RALYL: variants seen among roughly 807,000 people sequenced by gnomAD.
RALYL encodes the protein RALY RNA binding protein like, also known as RNA-binding Raly-like protein.
A neutral mutation model predicts 35.1 loss-of-function variants in RALYL; 29 were observed. The observed-to-expected ratio is 0.83, with a 90% confidence interval of 0.61 to 1.13. RALYL has a LOEUF of 1.13. RALYL is among the 50% of genes most tolerant of loss of function. RALYL has a pLI of 0.00. For synonymous variants in RALYL, 120 were observed against 127.6 expected, an observed-to-expected ratio of 0.94 and a Z score of 0.40; for missense variants, 359 against 360.4, an observed-to-expected ratio of 1.00 and a Z score of 0.03.
chr8:84,567,606 A>T (rs975518373), intron 2 of RALYL, among the ~76,000 whole-genome samples: 3 of 151,462 alleles, frequency 2.0e-5, no homozygotes, highest in Admixed American at 6.6e-5. Flanking sequence ...TCAACCATTG[A>T]TGAGCACTTA....
chr8:84,332,626 TA>T (rs1395407328), intron 1 of RALYL, among the ~76,000 whole-genome samples: 1 of 152,126 alleles, frequency 6.6e-6, no homozygotes, highest in East Asian at 1.9e-4. Context: ...CCATTATTAA[TA>T]ATATTTCCCC....
At chr8:84,222,453 A>G (rs1319177557) in intron 1 of RALYL, among the ~76,000 whole-genome samples, 1 of 152,184 alleles carries the variant, frequency 6.6e-6, no homozygotes, top group African/African-American at 2.4e-5. Context: ...ATGCCATAAC[A>G]GAAGTACAAC....
At chr8:84,765,423 A>G (rs1170219728) in intron 2 of RALYL, among the ~76,000 whole-genome samples, 2 of 152,230 alleles carry the variant, frequency 1.3e-5, no homozygotes, top group East Asian at 1.9e-4. Context: ...TGCTGGTTCA[A>G]TGCTTGGCAC....
chr8:84,349,416 AG>A (rs36016677), intron 1 of RALYL, among the ~76,000 whole-genome samples: 3 of 150,376 alleles, frequency 2.0e-5, no homozygotes, highest in Non-Finnish European at 4.4e-5. Flanking sequence ...AAACTGAACA[AG>A]GGGAAGAGCT....
At chr8:84,850,936 A>G (rs561173706) in intron 5 of RALYL, among the ~76,000 whole-genome samples, 1 of 152,288 alleles carries the variant, frequency 6.6e-6, no homozygotes, top group African/African-American at 2.4e-5. Flanking sequence ...ACTTATGTCG[A>G]TAAGTTTGCC....
intron 2 of RALYL, among the ~76,000 whole-genome samples, chr8:84,676,958 C>A (rs555529501): frequency 6.6e-6 from 1 of 152,116 alleles, no homozygotes; most frequent in Non-Finnish European, 1.5e-5. Flanking sequence ...CATGCCACCA[C>A]ACCTGGCTAA....
chr8:84,199,943 A>G (rs908266764), intron 1 of RALYL, among the ~76,000 whole-genome samples: 1 of 152,174 alleles, frequency 6.6e-6, no homozygotes, highest in Admixed American at 6.6e-5. Context: ...TTGGAAGGTA[A>G]TAGTGTAGCC....
At chr8:84,501,228 C>G (rs1278714067) in intron 1 of RALYL, among the ~76,000 whole-genome samples, 1 of 152,112 alleles carries the variant, frequency 6.6e-6, no homozygotes, top group Non-Finnish European at 1.5e-5. Context: ...GAAAGTGCAG[C>G]TATGTAAATT....
intron 1 of RALYL, among the ~76,000 whole-genome samples, chr8:84,316,913 T>G (rs908845283): frequency 6.6e-6 from 1 of 152,176 alleles, no homozygotes; most frequent in African/African-American, 2.4e-5. Context: ...TAGCACTGTT[T>G]TAGTTATGTA....
intron 2 of RALYL, among the ~76,000 whole-genome samples, chr8:84,573,566 A>G (rs1808566459): frequency 6.6e-6 from 1 of 151,868 alleles, no homozygotes; most frequent in Non-Finnish European, 1.5e-5. Flanking sequence ...TTTTTTACAG[A>G]TCTTGAATCA....
At chr8:84,503,575 G>T (rs1177030180) in intron 1 of RALYL, among the ~76,000 whole-genome samples, 3 of 152,108 alleles carry the variant, frequency 2.0e-5, no homozygotes, top group African/African-American at 7.2e-5. Context: ...GCAAGGCCGG[G>T]CATGGTGGCT....
At chr8:84,904,829 C>T (rs56928332) in intron 8 of RALYL, among the ~76,000 whole-genome samples, 1 of 151,986 alleles carries the variant, frequency 6.6e-6, no homozygotes, top group African/African-American at 2.4e-5. Flanking sequence ...TTTCTGGTTT[C>T]TATGTTGCCT....
At chr8:84,456,567 C>T (rs1238542858) in intron 1 of RALYL, among the ~76,000 whole-genome samples, 1 of 151,928 alleles carries the variant, frequency 6.6e-6, no homozygotes, top group African/African-American at 2.4e-5. Flanking sequence ...ATGAATGATT[C>T]ATTGTCTGTC....
At chr8:84,609,171 C>G (rs1817778633) in intron 2 of RALYL, among the ~76,000 whole-genome samples, 1 of 152,144 alleles carries the variant, frequency 6.6e-6, no homozygotes, top group South Asian at 2.1e-4. Flanking sequence ...GAGATTTACA[C>G]AATCTTGAGG....
At chr8:84,765,678 A>G (rs1475961685) in intron 2 of RALYL, among the ~76,000 whole-genome samples, 1 of 152,152 alleles carries the variant, frequency 6.6e-6, no homozygotes, top group East Asian at 1.9e-4. Flanking sequence ...CTTGTCAAAC[A>G]TAACAGACTG....
intron 2 of RALYL, among the ~76,000 whole-genome samples, chr8:84,567,393 T>G (rs1404530875): frequency 4.6e-5 from 7 of 151,744 alleles, no homozygotes; most frequent in Admixed American, 4.6e-4. Flanking sequence ...CCCCAGTGCC[T>G]ATTATTTTTA....
intron 1 of RALYL, among the ~76,000 whole-genome samples, chr8:84,310,986 G>T (rs1251109205): frequency 1.6e-5 from 2 of 123,598 alleles, no homozygotes; most frequent in African/African-American, 6.5e-5. Context: ...AGCGGAGCTT[G>T]CAGTGAGCCG....
At chr8:84,699,596 G>A (rs1839838846) in intron 2 of RALYL, among the ~76,000 whole-genome samples, 2 of 151,966 alleles carry the variant, frequency 1.3e-5, no homozygotes. Context: ...CATTTGTGAG[G>A]GTTCTGCTCC....
In RALYL at chr8:84,217,412, A is replaced by G. The variant is rs1586259438; in HGVS notation, c.-24+32988A>G. Among the ~76,000 whole-genome samples, 4 of 152,248 alleles carry G rather than the reference A, an allele frequency of 2.6e-5. No individual in the cohort carries two copies. In the South Asian group the frequency reaches 8.3e-4, roughly 32 times the overall value. Reference sequence around the variant, plus strand: ...ATTTTAAATACACTCAATATTAAATATATTTGAACTATATTATTTTTCATT... The same window carrying G: ...ATTTTAAATACACTCAATATTAAATGTATTTGAACTATATTATTTTTCATT... On this transcript the variant is annotated intron_variant, in intron 1 of 8. Transcript: ENST00000521268.
Sources: gnomAD v4.1 joint callset for allele counts (sites outside exome capture counted in the v4.1 genomes callset) on GRCh38, gnomAD v4.1.1 for gene constraint, MANE v1.5 for transcripts, NCBI Gene and HGNC (gene_info 2026-07-23, HGNC 2026-07-21) for gene names.